Variants in ZNF385D observed in about 807,000 individuals in gnomAD.
The protein encoded by ZNF385D is zinc finger protein 385D, also known as zinc finger protein 659.
ZNF385D carries 15 observed loss-of-function variants against 35.8 expected under a neutral mutation model. That is an observed-to-expected ratio of 0.42 (90% CI 0.28 to 0.64). ZNF385D has a LOEUF of 0.64. Ranked by LOEUF, ZNF385D falls within the 30% of genes least tolerant of loss-of-function variation. The pLI is 0.23. For missense variants in ZNF385D, 474 were observed against 494.6 expected, an observed-to-expected ratio of 0.96 and a Z score of 0.39; for synonymous variants, 212 against 186.8, an observed-to-expected ratio of 1.13 and a Z score of -1.10.
intron 1 of ZNF385D, among the ~76,000 whole-genome samples, chr3:21,697,828 C>T (rs1575481861): frequency 6.6e-6 from 1 of 152,172 alleles, no homozygotes; most frequent in East Asian, 1.9e-4. Flanking sequence ...ATAAAAGCGA[C>T]CTGAAAACAT....
At chr3:22,034,355 C>G (rs1698188626) in intron 3 of ZNF385D, among the ~76,000 whole-genome samples, 1 of 152,038 alleles carries the variant, frequency 6.6e-6, no homozygotes, top group African/African-American at 2.4e-5. Flanking sequence ...AGAACCTGAC[C>G]ATGCCAGCAC....
rs1009600453 is a variant in ZNF385D, at chr3:21,563,309, G to A, written c.276+1265C>T. On this transcript the variant is annotated intron_variant, in intron 3 of 7. Transcript: ENST00000281523. ...CTTGATCTTGGACTTCTCAGCCTCCGGAACTGTGAGAAATAAATTTCTGTT... is the reference window on the plus strand; with the variant it reads ...CTTGATCTTGGACTTCTCAGCCTCCAGAACTGTGAGAAATAAATTTCTGTT... The A allele has an allele frequency of 1.8e-4, 28 of 152,316 alleles. 1 individual carries two copies. The highest frequency in any genetic ancestry group is 8.0e-4 in the South Asian group (4 of 5,000). The allele number at this position is 152,316 out of a possible 1,614,324, so 9.4% of individuals were successfully genotyped here.
intron 3 of ZNF385D, among the ~76,000 whole-genome samples, chr3:21,826,367 G>A (rs192341552): frequency 1.3e-5 from 2 of 152,118 alleles, no homozygotes; most frequent in African/African-American, 2.4e-5. Context: ...CAGCACAGTG[G>A]CCCTGTTCAG....
intron 4 of ZNF385D, among the ~76,000 whole-genome samples, chr3:21,462,762 A>C (rs1473294837): frequency 1.3e-5 from 2 of 152,156 alleles, no homozygotes; most frequent in African/African-American, 4.8e-5. Flanking sequence ...AGGGTAGATC[A>C]CCTGAGGTCA....
chr3:21,795,050 T>G (rs532640395), intron 3 of ZNF385D, among the ~76,000 whole-genome samples: 1 of 152,338 alleles, frequency 6.6e-6, no homozygotes, highest in East Asian at 1.9e-4. Context: ...TCAAATTATT[T>G]GTACCTGATC....
intron 3 of ZNF385D, among the ~76,000 whole-genome samples, chr3:21,906,037 T>A (rs895349809): frequency 3.4e-4 from 52 of 152,316 alleles, no homozygotes; most frequent in Non-Finnish European, 6.2e-4. Context: ...CAGTGCTGTA[T>A]ATTCAATTTC....
intron 3 of ZNF385D, among the ~76,000 whole-genome samples, chr3:21,991,919 T>A (rs767149670): frequency 1.3e-5 from 2 of 152,174 alleles, no homozygotes; most frequent in Admixed American, 6.5e-5. Flanking sequence ...AAAGACAGTA[T>A]TTTGATGAAT....
chr3:21,639,299 G>A (rs745547991), intron 2 of ZNF385D, among the ~76,000 whole-genome samples: 7 of 151,760 alleles, frequency 4.6e-5, no homozygotes, highest in South Asian at 2.1e-4. Flanking sequence ...AAATGCAGGC[G>A]GCATGAAAGC....
At chr3:21,922,082 G>C (rs1327977158) in intron 3 of ZNF385D, among the ~76,000 whole-genome samples, 1 of 152,000 alleles carries the variant, frequency 6.6e-6, no homozygotes, top group Non-Finnish European at 1.5e-5. Context: ...ATGAACCAAG[G>C]GGGTGAAAGA....
At chr3:21,660,134 T>C (rs946844721) in intron 2 of ZNF385D, among the ~76,000 whole-genome samples, 1 of 152,032 alleles carries the variant, frequency 6.6e-6, no homozygotes, top group Non-Finnish European at 1.5e-5. Context: ...TATCCCCCTC[T>C]CTTCCCCACC....
intron 3 of ZNF385D, among the ~76,000 whole-genome samples, chr3:21,845,426 CT>C (rs1695946459): frequency 2.0e-5 from 3 of 151,958 alleles, no homozygotes; most frequent in Non-Finnish European, 4.4e-5. Flanking sequence ...TCTTCTCCTT[CT>C]CTTTCTTCTC....
At chr3:22,289,214 CTGAA>C (rs1702171147) in intron 2 of ZNF385D, among the ~76,000 whole-genome samples, 1 of 152,104 alleles carries the variant, frequency 6.6e-6, no homozygotes, top group Non-Finnish European at 1.5e-5. Flanking sequence ...AATGGGTCCT[CTGAA>C]TGTGTCCACC....
rs1346816285 is a variant in ZNF385D at position 21,416,629 on chromosome 3, A to G, written c.*4585T>C. The G allele has an allele frequency of 6.6e-6, 1 of 152,058 alleles. No individual in the cohort carries two copies. Among genetic ancestry groups the G allele is most frequent in the Non-Finnish European group, 1.5e-5 (1 of 67,992 alleles). 9.4% of individuals were successfully genotyped at this position (152,058 alleles called of 1,614,324 possible). On this transcript the variant is annotated 3_prime_UTR_variant, in exon 8 of 8. Transcript: ENST00000281523. ...AGATGCTCCAGAGATAAATCTCCCC[A>G]TGTAGAAAGAAAAAAAAATCAGCAA... is the stretch of plus-strand genomic sequence containing the variant.
intron 2 of ZNF385D, among the ~76,000 whole-genome samples, chr3:22,333,423 G>A (rs1478387015): frequency 2.0e-5 from 3 of 151,594 alleles, no homozygotes; most frequent in Non-Finnish European, 4.4e-5. Context: ...TTGACTTTTC[G>A]GTATGGTCCC....
At chr3:22,093,071 G>C (rs896362126) in intron 3 of ZNF385D, among the ~76,000 whole-genome samples, 2 of 152,082 alleles carry the variant, frequency 1.3e-5, no homozygotes, top group Non-Finnish European at 2.9e-5. Flanking sequence ...AGAGTCATAA[G>C]ACAAAGAGTG....
intron 2 of ZNF385D, among the ~76,000 whole-genome samples, chr3:22,331,276 A>T (rs1434765123): frequency 6.6e-6 from 1 of 152,172 alleles, no homozygotes; most frequent in Non-Finnish European, 1.5e-5. Flanking sequence ...CACAAGTGTC[A>T]GTGCTAGAAC....
intron 2 of ZNF385D, among the ~76,000 whole-genome samples, chr3:21,613,271 T>C (rs1241997031): frequency 3.3e-5 from 5 of 152,006 alleles, no homozygotes; most frequent in African/African-American, 1.2e-4. Context: ...ATGAGCCCTA[T>C]TCTAAAAATG....
intron 3 of ZNF385D, among the ~76,000 whole-genome samples, chr3:21,864,356 T>C (rs1036708995): frequency 2.0e-5 from 3 of 152,120 alleles, no homozygotes; most frequent in African/African-American, 7.2e-5. Context: ...TTAGGAAAAT[T>C]ACAAATTCTC....
At chr3:21,428,745 A>G (rs527892882) in intron 5 of ZNF385D, among the ~76,000 whole-genome samples, 11 of 151,874 alleles carry the variant, frequency 7.2e-5, no homozygotes, top group Non-Finnish European at 1.5e-4. Flanking sequence ...TCATAAGTCT[A>G]CTTCTGCACT....
Sources: allele counts gnomAD v4.1 joint callset (sites outside exome capture counted in the v4.1 genomes callset), GRCh38; gene constraint gnomAD v4.1.1; transcripts MANE v1.5; gene names NCBI Gene and HGNC (gene_info 2026-07-23, HGNC 2026-07-21).